The following LRP1B variants were observed in gnomAD, a reference collection of about 807,000 sequenced individuals.
LRP1B encodes the protein low-density lipoprotein receptor-related protein 1B.
A neutral mutation model predicts 556.6 loss-of-function variants in LRP1B; 217 were observed. The ratio of observed to expected loss-of-function variants is 0.39; its 90% CI spans 0.35 to 0.44. The LOEUF is 0.44. Among genes scored for constraint, LRP1B ranks in the 20% least tolerant of loss-of-function variants. LRP1B has a pLI of 1.00. For synonymous variants in LRP1B, 2,047 were observed against 1,865.8 expected, an observed-to-expected ratio of 1.10 and a Z score of -2.50; for missense variants, 5,053 against 5,620.8, an observed-to-expected ratio of 0.90 and a Z score of 3.23.
At chr2:141,357,927 A>C (rs1688683842) in intron 3 of LRP1B, among the ~76,000 whole-genome samples, 2 of 152,228 alleles carry the variant, frequency 1.3e-5, no homozygotes, top group African/African-American at 2.4e-5. Flanking sequence ...AGAAAGTCCC[A>C]TGTCATTCTT....
chr2:141,440,031 C>G (rs1324867630), intron 3 of LRP1B, among the ~76,000 whole-genome samples: 1 of 152,136 alleles, frequency 6.6e-6, no homozygotes, highest in Non-Finnish European at 1.5e-5. Context: ...TTTTGGTCGA[C>G]AACACATAAC....
intron 41 of LRP1B, among the ~76,000 whole-genome samples, chr2:140,663,388 A>G (rs1258084236): frequency 6.6e-6 from 1 of 152,228 alleles, no homozygotes; most frequent in Non-Finnish European, 1.5e-5. Context: ...ACAGAAGTTT[A>G]CTGTAGCCAG....
intron 6 of LRP1B, among the ~76,000 whole-genome samples, chr2:141,227,838 C>T (rs535092598): frequency 4.6e-5 from 7 of 152,098 alleles, no homozygotes; most frequent in African/African-American, 9.7e-5. Flanking sequence ...ATTATTGAAA[C>T]GAGATCAAAT....
chr2:141,225,447 C>T (rs190674131), intron 6 of LRP1B, among the ~76,000 whole-genome samples: 13 of 152,244 alleles, frequency 8.5e-5, no homozygotes, highest in African/African-American at 3.1e-4. Flanking sequence ...ATGGAATTCA[C>T]CACTTTTGTA....
chr2:142,031,707 C>G (rs1027057336), intron 1 of LRP1B, among the ~76,000 whole-genome samples: 1 of 151,608 alleles, frequency 6.6e-6, no homozygotes, highest in African/African-American at 2.4e-5. Flanking sequence ...AAACTCTCTA[C>G]GTCCATTGTT....
chr2:141,513,901 A>T (rs976227314), intron 2 of LRP1B, among the ~76,000 whole-genome samples: 1 of 152,132 alleles, frequency 6.6e-6, no homozygotes, highest in African/African-American at 2.4e-5. Context: ...AAAAATGGTC[A>T]TCAGTTGTTA....
intron 1 of LRP1B, among the ~76,000 whole-genome samples, chr2:141,966,513 G>A (rs1417096672): frequency 1.3e-5 from 2 of 151,838 alleles, no homozygotes; most frequent in South Asian, 2.1e-4. Flanking sequence ...GCCAGCTCCT[G>A]CAGCATCTAA....
At chr2:141,530,583 C>A (rs1190348389) in intron 2 of LRP1B, among the ~76,000 whole-genome samples, 4 of 150,872 alleles carry the variant, frequency 2.7e-5, no homozygotes, top group Non-Finnish European at 2.9e-5. Flanking sequence ...AATAAACAAG[C>A]AGAACAGCCA....
intron 86 of LRP1B, among the ~76,000 whole-genome samples, chr2:140,258,781 G>T (rs1681807935): frequency 6.6e-6 from 1 of 152,096 alleles, no homozygotes; most frequent in South Asian, 2.1e-4. Flanking sequence ...AAACAATGTG[G>T]AGTCCTGACA....
At chr2:140,745,998 C>T (rs1177892916) in intron 35 of LRP1B, among the ~76,000 whole-genome samples, 1 of 151,646 alleles carries the variant, frequency 6.6e-6, no homozygotes, top group Non-Finnish European at 1.5e-5. Flanking sequence ...TAATTCTGAA[C>T]AAGTAACCTC....
intron 41 of LRP1B, chr2:140,683,853 C>A: frequency 1.6e-6 from 1 of 612,380 alleles, no homozygotes; most frequent in Non-Finnish European, 2.9e-6. Flanking sequence ...CCCGAAACAG[C>A]TCCGCGGCCC....
chr2:140,929,938 T>C (rs1384644147), intron 20 of LRP1B, among the ~76,000 whole-genome samples: 1 of 152,118 alleles, frequency 6.6e-6, no homozygotes, highest in Non-Finnish European at 1.5e-5. Flanking sequence ...AAAAAAGTCA[T>C]GAGGTTTTAT....
intron 33 of LRP1B, among the ~76,000 whole-genome samples, chr2:140,773,195 T>C (rs1573698425): frequency 6.6e-6 from 1 of 152,144 alleles, no homozygotes; most frequent in African/African-American, 2.4e-5. Context: ...AGGGGCGCGG[T>C]GGCTCACGCC....
chr2:141,862,215 T>TGG (rs1698269697), intron 1 of LRP1B, among the ~76,000 whole-genome samples: 1 of 152,146 alleles, frequency 6.6e-6, no homozygotes, highest in African/African-American at 2.4e-5. Context: ...TCACTTTACT[T>TGG]TGTAAGCCTA....
chr2:140,925,700 G>A (rs964429453), intron 20 of LRP1B, among the ~76,000 whole-genome samples: 1 of 152,080 alleles, frequency 6.6e-6, no homozygotes, highest in Admixed American at 6.6e-5. Flanking sequence ...TATGTTTGAC[G>A]AACACACTAT....
chr2:140,283,771 T>A lies in LRP1B; in HGVS notation c.12968-9173A>T, dbSNP rs370710312. On this transcript the variant is annotated intron_variant, in intron 84 of 90. Transcript: ENST00000389484. ...TCAACTCATAGAGCTATCATAACAA[T>A]GTTTTAATGAGACAAACTTATAGGA... is the stretch of plus-strand genomic sequence containing the variant. 2.6e-5 allele frequency among the ~76,000 whole-genome samples: 4 copies of A among 151,836 alleles called. No individual in the cohort carries two copies. The South Asian group carries it at 6.2e-4, about 24-fold the overall frequency.
intron 18 of LRP1B, among the ~76,000 whole-genome samples, chr2:140,969,444 TGAATACA>T (rs1696338823): frequency 7.2e-6 from 1 of 139,192 alleles, no homozygotes; most frequent in Non-Finnish European, 1.6e-5. Context: ...ATGGGTCTCC[TGAATACA>T]GCACACTGAT....
intron 25 of LRP1B, among the ~76,000 whole-genome samples, chr2:140,881,267 T>TGTGTGC (rs1297563654): frequency 6.6e-6 from 1 of 151,594 alleles, no homozygotes; most frequent in Non-Finnish European, 1.5e-5. Context: ...TGTGTGTGTG[T>TGTGTGC]GTGTGTGTGC....
intron 7 of LRP1B, among the ~76,000 whole-genome samples, chr2:141,114,583 G>A (rs995844852): frequency 1.3e-5 from 2 of 152,020 alleles, no homozygotes; most frequent in Admixed American, 6.5e-5. Flanking sequence ...CCAATCTGCC[G>A]ATCTGCCAGT....
Sources: allele counts gnomAD v4.1 joint callset (sites outside exome capture counted in the v4.1 genomes callset), GRCh38; gene constraint gnomAD v4.1.1; transcripts MANE v1.5; gene names NCBI Gene and HGNC (gene_info 2026-07-23, HGNC 2026-07-21).